Variants in NAALADL2 observed in about 807,000 individuals in gnomAD.
NAALADL2 encodes N-acetylated alpha-linked acidic dipeptidase like 2.
NAALADL2 carries 76 observed loss-of-function variants against 87.2 expected under a neutral mutation model. The observed-to-expected ratio is 0.87, with a 90% CI of 0.72 to 1.05. The LOEUF (loss-of-function observed/expected upper bound fraction) is 1.05. NAALADL2 is among the 50% of genes least tolerant of loss of function. NAALADL2 has a pLI of 0.00. For synonymous variants in NAALADL2, 354 were observed against 331.0 expected (o/e 1.07, Z -0.75); for missense variants, 1,089 against 945.8 (o/e 1.15, Z -1.99).
intron 3 of NAALADL2, among the ~76,000 whole-genome samples, chr3:175,240,236 T>C (rs963186698): frequency 6.6e-6 from 1 of 152,198 alleles, no homozygotes; most frequent in African/African-American, 2.4e-5. Context: ...TCATGTTGAG[T>C]TGGACCAGAA....
At chr3:174,515,842 AG>A (rs1719908993) in intron 1 of NAALADL2, among the ~76,000 whole-genome samples, 1 of 152,036 alleles carries the variant, frequency 6.6e-6, no homozygotes, top group Non-Finnish European at 1.5e-5. Flanking sequence ...GCCTAGAAAA[AG>A]GAAAGGACCC....
At chr3:175,378,959 T>C (rs536370747) in intron 5 of NAALADL2, among the ~76,000 whole-genome samples, 1 of 152,282 alleles carries the variant, frequency 6.6e-6, no homozygotes, top group South Asian at 2.1e-4. Flanking sequence ...GTCCACATTA[T>C]TTGGCTCTTA....
chr3:175,126,475 A>C (rs907513743), intron 2 of NAALADL2, among the ~76,000 whole-genome samples: 1 of 152,142 alleles, frequency 6.6e-6, no homozygotes, highest in African/African-American at 2.4e-5. Flanking sequence ...CTGGCATTTC[A>C]AAAGTAACTG....
At chr3:175,135,593 G>C (rs1560075722) in intron 2 of NAALADL2, among the ~76,000 whole-genome samples, 1 of 152,052 alleles carries the variant, frequency 6.6e-6, no homozygotes, top group Non-Finnish European at 1.5e-5. Context: ...TCAAAAGAAA[G>C]ATGTTGATTT....
chr3:174,726,139 G>A (rs1345974681), intron 2 of NAALADL2, among the ~76,000 whole-genome samples: 1 of 152,082 alleles, frequency 6.6e-6, no homozygotes, highest in Admixed American at 6.6e-5. Flanking sequence ...AGTCAGTGCT[G>A]TGCCAACCCT....
intron 5 of NAALADL2, among the ~76,000 whole-genome samples, chr3:175,358,129 G>A (rs1189935273): frequency 6.6e-6 from 1 of 152,102 alleles, no homozygotes; most frequent in Non-Finnish European, 1.5e-5. Context: ...AAAGTTCATA[G>A]AGCTAAGCAA....
At chr3:175,728,306 A>G (rs1356158378) in intron 11 of NAALADL2, among the ~76,000 whole-genome samples, 1 of 152,178 alleles carries the variant, frequency 6.6e-6, no homozygotes, top group Non-Finnish European at 1.5e-5. Flanking sequence ...CAAATGAAAG[A>G]CAGTGACAGT....
intron 1 of NAALADL2, among the ~76,000 whole-genome samples, chr3:174,510,309 A>G (rs1269122692): frequency 2.6e-5 from 4 of 151,814 alleles, no homozygotes; most frequent in African/African-American, 9.7e-5. Context: ...GAATCAATTT[A>G]TTTTTATTTT....
At chr3:175,730,127 T>C (rs1259748617) in intron 11 of NAALADL2, among the ~76,000 whole-genome samples, 1 of 151,920 alleles carries the variant, frequency 6.6e-6, no homozygotes, top group African/African-American at 2.4e-5. Flanking sequence ...TATGACAAAT[T>C]CGTTAAAAGC....
At chr3:175,692,970 A>G (rs1488788237) in intron 11 of NAALADL2, among the ~76,000 whole-genome samples, 1 of 152,208 alleles carries the variant, frequency 6.6e-6, no homozygotes, top group Non-Finnish European at 1.5e-5. Context: ...GCTACAACTC[A>G]CAGAACTCAT....
chr3:175,221,765 A>C (rs927519694), intron 2 of NAALADL2, among the ~76,000 whole-genome samples: 1 of 151,038 alleles, frequency 6.6e-6, no homozygotes, highest in Non-Finnish European at 1.5e-5. Context: ...GTGGTTATTT[A>C]TTTATTTATT....
chr3:175,248,519 C>G (rs995422714), intron 3 of NAALADL2, among the ~76,000 whole-genome samples: 1 of 151,942 alleles, frequency 6.6e-6, no homozygotes, highest in African/African-American at 2.4e-5. Flanking sequence ...CTTGAAGCTC[C>G]AAATACAAAT....
chr3:175,148,445 T>C (rs1731093031), intron 2 of NAALADL2, among the ~76,000 whole-genome samples: 1 of 152,100 alleles, frequency 6.6e-6, no homozygotes, highest in South Asian at 2.1e-4. Flanking sequence ...TTTAGTTTAA[T>C]TAGGTCAATT....
chr3:174,707,651 TG>T (rs1730224505), intron 2 of NAALADL2, among the ~76,000 whole-genome samples: 1 of 44,770 alleles, frequency 2.2e-5, no homozygotes, highest in Non-Finnish European at 4.2e-5. Context: ...TGTTGTGGGG[TG>T]GGGGGAGGGG....
intron 1 of NAALADL2, among the ~76,000 whole-genome samples, chr3:174,966,332 G>A (rs982727101): frequency 3.9e-5 from 6 of 152,116 alleles, no homozygotes; most frequent in Non-Finnish European, 4.4e-5. Flanking sequence ...TTTCCATGGT[G>A]CATTCACATG....
At chr3:174,897,335 A>G (rs576930271) in intron 1 of NAALADL2, among the ~76,000 whole-genome samples, 5 of 152,244 alleles carry the variant, frequency 3.3e-5, no homozygotes, top group African/African-American at 1.2e-4. Context: ...AAATAAAATA[A>G]TCTTATCAAA....
chr3:174,664,750 T>C (rs1466779694), intron 2 of NAALADL2, among the ~76,000 whole-genome samples: 1 of 152,246 alleles, frequency 6.6e-6, no homozygotes, highest in Non-Finnish European at 1.5e-5. Flanking sequence ...TGTGCTCCTG[T>C]GCTTGCTACT....
Position 174,992,172 on chromosome 3 carries a change from A to G in NAALADL2, c.44-104618A>G, listed in dbSNP as rs934494841. 2.6e-5 allele frequency among the ~76,000 whole-genome samples: 4 copies of G among 151,994 alleles called. No individual in the cohort carries two copies. The South Asian group carries it at 8.3e-4, about 31-fold the overall frequency. The stretch of plus-strand genomic sequence containing the variant: ...ATGGTCCAAATTAAGAACAATCAGG[A>G]TTTAGGATTTTATTGTTTCTATATT... On this transcript the variant is annotated intron_variant, in intron 1 of 13. Coordinates refer to ENST00000454872, the MANE Select transcript of NAALADL2 (RefSeq NM_207015.3).
At chr3:174,871,727 T>C (rs1727844168) in intron 1 of NAALADL2, among the ~76,000 whole-genome samples, 1 of 152,032 alleles carries the variant, frequency 6.6e-6, no homozygotes. Flanking sequence ...GGCAAAACCC[T>C]GTGTCTACTA....
Sources: gnomAD v4.1 joint callset for allele counts (sites outside exome capture counted in the v4.1 genomes callset) on GRCh38, gnomAD v4.1.1 for gene constraint, MANE v1.5 for transcripts, NCBI Gene and HGNC (gene_info 2026-07-23, HGNC 2026-07-21) for gene names.